PTPRT: variants seen among roughly 807,000 people sequenced by gnomAD.
PTPRT encodes protein tyrosine phosphatase receptor type T.
Under a neutral mutation model 176.8 loss-of-function variants are expected in PTPRT, and 56 were observed. The ratio of observed to expected loss-of-function variants is 0.32; its 90% CI spans 0.26 to 0.40. The LOEUF is 0.40. Among genes scored for constraint, PTPRT ranks in the 10% least tolerant of loss-of-function variants. PTPRT has a pLI of 1.00. For missense variants in PTPRT, 1,540 were observed against 1,908.2 expected, an observed-to-expected ratio of 0.81 and a Z score of 3.60; for synonymous variants, 783 against 739.0, an observed-to-expected ratio of 1.06 and a Z score of -0.96.
chr20:43,129,908 G>A (rs559694044), intron 1 of PTPRT, among the ~76,000 whole-genome samples: 4 of 152,210 alleles, frequency 2.6e-5, no homozygotes, highest in South Asian at 2.1e-4. Flanking sequence ...GTGAGCCACC[G>A]CGCCCAGCCC....
intron 1 of PTPRT, among the ~76,000 whole-genome samples, chr20:43,083,648 C>T (rs12481279): frequency 0.067 from 10,101 of 151,750 alleles, 373 homozygotes; most frequent in Middle Eastern, 0.14. Flanking sequence ...CATGAGCCAC[C>T]GCACCCAGCC....
intron 1 of PTPRT, among the ~76,000 whole-genome samples, chr20:43,051,602 CT>C (rs1237342576): frequency 1.4e-5 from 2 of 138,594 alleles, no homozygotes; most frequent in African/African-American, 5.7e-5. Context: ...ACTTATGGTC[CT>C]TCCAGCCACA....
At chr20:42,655,062 C>T (rs2075101025) in intron 7 of PTPRT, among the ~76,000 whole-genome samples, 1 of 152,100 alleles carries the variant, frequency 6.6e-6, no homozygotes, top group Non-Finnish European at 1.5e-5. Flanking sequence ...CATGTAATAC[C>T]CCTTCCACCC....
At chr20:42,353,506 G>T (rs1281074959) in intron 9 of PTPRT, among the ~76,000 whole-genome samples, 2 of 152,096 alleles carry the variant, frequency 1.3e-5, no homozygotes, top group Non-Finnish European at 2.9e-5. Flanking sequence ...AACCAAACTG[G>T]TCTACACCTG....
rs537689582 is a variant in PTPRT, at chr20:42,575,301, C to A, written c.1153+102565G>T. Reference sequence around the variant, plus strand: ...GAAGGACCGTCAAGTGTTAGCAGAGCTACAGCTGGACAGAGAAGGAAGAAG... The same window carrying A: ...GAAGGACCGTCAAGTGTTAGCAGAGATACAGCTGGACAGAGAAGGAAGAAG... On this transcript the variant is annotated intron_variant, in intron 7 of 30. Coordinates refer to ENST00000373187, the MANE Select transcript of PTPRT (RefSeq NM_007050.6). Among the ~76,000 whole-genome samples, 58 of 152,290 alleles carry A rather than the reference C, an allele frequency of 3.8e-4. 1 individual carries two copies. The highest frequency in any genetic ancestry group is 8.2e-4 in the Non-Finnish European group (56 of 68,016).
chr20:42,876,244 G>C (rs1238991595), intron 2 of PTPRT, among the ~76,000 whole-genome samples: 2 of 152,132 alleles, frequency 1.3e-5, no homozygotes, highest in African/African-American at 4.8e-5. Context: ...TGCTAAATGG[G>C]AACATAAGAA....
chr20:43,042,945 A>G (rs1986680019), intron 1 of PTPRT, among the ~76,000 whole-genome samples: 1 of 152,158 alleles, frequency 6.6e-6, no homozygotes, highest in Non-Finnish European at 1.5e-5. Context: ...ATCCATATGT[A>G]GAATCATCAA....
At chr20:43,026,288 T>C (rs1445495014) in intron 1 of PTPRT, among the ~76,000 whole-genome samples, 2 of 152,062 alleles carry the variant, frequency 1.3e-5, no homozygotes, top group African/African-American at 4.8e-5. Flanking sequence ...CAGCTAATTT[T>C]TGCATTTTTA....
chr20:42,366,678 G>C (rs1298189049), intron 9 of PTPRT, among the ~76,000 whole-genome samples: 1 of 152,250 alleles, frequency 6.6e-6, no homozygotes, highest in African/African-American at 2.4e-5. Flanking sequence ...GATTCTGCCA[G>C]TGGGCAGTGC....
intron 9 of PTPRT, among the ~76,000 whole-genome samples, chr20:42,384,010 C>T (rs1028506841): frequency 2.0e-5 from 3 of 152,070 alleles, no homozygotes; most frequent in South Asian, 4.1e-4. Context: ...GACGTAGAGA[C>T]GACAATATGG....
intron 15 of PTPRT, among the ~76,000 whole-genome samples, chr20:42,207,151 T>C (rs1439957809): frequency 6.6e-6 from 1 of 151,730 alleles, no homozygotes; most frequent in African/African-American, 2.4e-5. Context: ...TACATCACCA[T>C]CATCAAAGAC....
chr20:42,223,291 C>T (rs1379836397), intron 15 of PTPRT, among the ~76,000 whole-genome samples: 1 of 152,156 alleles, frequency 6.6e-6, no homozygotes, highest in Non-Finnish European at 1.5e-5. Context: ...CTTATGCTGT[C>T]CTGGTAAATC....
At chr20:42,528,737 G>A (rs2072323600) in intron 7 of PTPRT, among the ~76,000 whole-genome samples, 1 of 152,182 alleles carries the variant, frequency 6.6e-6, no homozygotes, top group African/African-American at 2.4e-5. Context: ...TCCTCACAGT[G>A]TTACAGCTTA....
intron 14 of PTPRT, among the ~76,000 whole-genome samples, chr20:42,245,037 T>C (rs1416979448): frequency 6.6e-6 from 1 of 152,186 alleles, no homozygotes; most frequent in Non-Finnish European, 1.5e-5. Context: ...AAGGTCTTTC[T>C]CTTATGTCAG....
intron 13 of PTPRT, among the ~76,000 whole-genome samples, chr20:42,278,104 T>C (rs1288367146): frequency 1.2e-5 from 1 of 81,884 alleles, no homozygotes; most frequent in Non-Finnish European, 2.5e-5. Context: ...TATATATATA[T>C]ATATATATAT....
chr20:42,111,153 C>T (rs1355254155), intron 22 of PTPRT, among the ~76,000 whole-genome samples: 4 of 152,196 alleles, frequency 2.6e-5, no homozygotes, highest in Non-Finnish European at 5.9e-5. Flanking sequence ...AGACACACTC[C>T]GGGCCCAGTA....
At chr20:42,680,415 A>C (rs1362595038) in intron 6 of PTPRT, among the ~76,000 whole-genome samples, 1 of 152,178 alleles carries the variant, frequency 6.6e-6, no homozygotes. Context: ...TGATTTTTGG[A>C]TAATTTGTTC....
Position 43,152,617 on chromosome 20 carries a change from G to A in PTPRT, c.88+37029C>T, listed in dbSNP as rs533853995. On this transcript the variant is annotated intron_variant, in intron 1 of 30. Coordinates refer to ENST00000373187, the MANE Select transcript of PTPRT (RefSeq NM_007050.6). ...CATTTATAAAGTGAATAAATTCATAGCATCTTGTATTTCCTTTCACACATT... is the reference window on the plus strand; with the variant it reads ...CATTTATAAAGTGAATAAATTCATAACATCTTGTATTTCCTTTCACACATT... Among the ~76,000 whole-genome samples, 14 of 152,286 alleles carry A rather than the reference G, an allele frequency of 9.2e-5. No individual in the cohort carries two copies. The East Asian group carries it at 2.7e-3, about 29-fold the overall frequency.
At chr20:42,208,449 T>G (rs573763331) in intron 15 of PTPRT, among the ~76,000 whole-genome samples, 20 of 151,636 alleles carry the variant, frequency 1.3e-4, no homozygotes, top group Non-Finnish European at 2.5e-4. Flanking sequence ...TGGAGGAAGA[T>G]CTACCAAGCA....
Sources: allele counts gnomAD v4.1 joint callset (sites outside exome capture counted in the v4.1 genomes callset), GRCh38; gene constraint gnomAD v4.1.1; transcripts MANE v1.5; gene names NCBI Gene and HGNC (gene_info 2026-07-23, HGNC 2026-07-21).